Variants in GNG2 observed in about 807,000 individuals in gnomAD.
GNG2 encodes G protein subunit gamma 2, also known as guanine nucleotide-binding protein G(I)/G(S)/G(O) subunit gamma-2.
In GNG2, 5 loss-of-function variants were observed where a neutral mutation model predicts 5.5. The observed-to-expected ratio is 0.91, with a 90% CI of 0.48 to 1.92. The LOEUF (loss-of-function observed/expected upper bound fraction) is 1.92, where lower values mean the gene tolerates loss of function less well. Ranked by LOEUF, GNG2 falls within the 30% of genes most tolerant of loss-of-function variation. GNG2 has a pLI of 0.01. For missense variants in GNG2, 55 were observed against 88.4 expected (o/e 0.62, Z 1.52); for synonymous variants, 28 against 32.0 (o/e 0.88, Z 0.42).
Position 51,938,636 on chromosome 14 carries a change from T to C in GNG2, c.-29-12014T>C, listed in dbSNP as rs539924516. Among the ~76,000 whole-genome samples, 4 of 152,320 alleles carry C rather than the reference T, an allele frequency of 2.6e-5. 1 individual carries two copies. Among genetic ancestry groups the C allele is most frequent in the African/African-American group, 9.6e-5 (4 of 41,576 alleles). The stretch of plus-strand genomic sequence containing the variant: ...CCTGGCACATGTTTTCTCACTATTA[T>C]ACCTAGTGTCATTTGTACCACTAGA... On this transcript the variant is annotated intron_variant, in intron 2 of 3. Transcript: ENST00000556766.
At chr14:51,854,439 A>G (rs1730785991) in intron 2 of GNG2, among the ~76,000 whole-genome samples, 2 of 152,124 alleles carry the variant, frequency 1.3e-5, no homozygotes, top group Non-Finnish European at 2.9e-5. Context: ...TAGCCTGGTC[A>G]AACTCTCTCT....
rs572800922 is a variant in GNG2 at position 51,906,857 on chromosome 14, G to A, written c.-30+29200G>A. ...TACAAGCTCCGCCTCCAGAGTTCAC[G>A]CCATTCTCCTGCCTCAGCCTCCCGA... On this transcript the variant is annotated intron_variant, in intron 2 of 3. Coordinates refer to ENST00000556766, the MANE Select transcript of GNG2 (RefSeq NM_053064.5). Among the ~76,000 whole-genome samples, 189 of 144,246 alleles carry A rather than the reference G, an allele frequency of 1.3e-3. 1 individual carries two copies. Among genetic ancestry groups the A allele is most frequent in the African/African-American group, 4.6e-3 (179 of 39,072 alleles). 94.6% of individuals were successfully genotyped at this position (144,246 alleles called of 152,430 possible).
chr14:51,863,871 G>T (rs2140106715), intron 1 of GNG2, among the ~76,000 whole-genome samples: 1 of 152,252 alleles, frequency 6.6e-6, no homozygotes, highest in East Asian at 1.9e-4. Flanking sequence ...TCCTGTTTAA[G>T]CTGAATAATA....
At chr14:51,853,838 A>T (rs547696941) in intron 2 of GNG2, among the ~76,000 whole-genome samples, 6 of 151,394 alleles carry the variant, frequency 4.0e-5, no homozygotes, top group African/African-American at 1.5e-4. Context: ...CTTTGCTGCT[A>T]ACTCCCTCTT....
At chr14:51,910,456 A>G (rs1247920954) in intron 2 of GNG2, among the ~76,000 whole-genome samples, 1 of 152,240 alleles carries the variant, frequency 6.6e-6, no homozygotes, top group Non-Finnish European at 1.5e-5. Context: ...AAAGGAATTC[A>G]GGATATGGAA....
At chr14:51,915,654 G>A (rs546125887) in intron 2 of GNG2, among the ~76,000 whole-genome samples, 69 of 152,206 alleles carry the variant, frequency 4.5e-4, no homozygotes, top group South Asian at 1.7e-3. Context: ...GCCCTTAAAC[G>A]ATTTCCCCAC....
intron 2 of GNG2, among the ~76,000 whole-genome samples, chr14:51,881,263 C>T (rs1025263741): frequency 6.6e-6 from 1 of 152,146 alleles, no homozygotes; most frequent in Non-Finnish European, 1.5e-5. Flanking sequence ...ACTTTTCCCC[C>T]CTAAGAGACA....
intron 2 of GNG2, among the ~76,000 whole-genome samples, chr14:51,892,929 G>A (rs1363584505): frequency 6.6e-6 from 1 of 152,220 alleles, no homozygotes; most frequent in Non-Finnish European, 1.5e-5. Context: ...AAAAGTTAAT[G>A]TGCAGCTATC....
chr14:51,836,843 T>C (rs987942517), intron 2 of GNG2, among the ~76,000 whole-genome samples: 5 of 148,694 alleles, frequency 3.4e-5, no homozygotes, highest in African/African-American at 1.2e-4. Flanking sequence ...ATTATGATTT[T>C]AAGTGACTTC....
chr14:51,852,926 A>AT (rs1181311813), intron 2 of GNG2, among the ~76,000 whole-genome samples: 10 of 151,822 alleles, frequency 6.6e-5, no homozygotes, highest in African/African-American at 9.7e-5. Context: ...TCAAGAACAG[A>AT]TTTTTTTTTC....
chr14:51,926,534 C>T lies in GNG2; in HGVS notation c.-29-24116C>T, dbSNP rs574193302. 5.9e-5 allele frequency among the ~76,000 whole-genome samples: 9 copies of T among 152,234 alleles called. No individual in the cohort carries two copies. In the South Asian group the frequency reaches 1.9e-3, roughly 32 times the overall value. ...CACGTGGTGAGAAACCCAAAATGACCACTGATACATGCACTTGCCTTCTCA... is the reference window on the plus strand; with the variant it reads ...CACGTGGTGAGAAACCCAAAATGACTACTGATACATGCACTTGCCTTCTCA... On this transcript the variant is annotated intron_variant, in intron 2 of 3. Transcript: ENST00000556766.
intron 3 of GNG2, 101 bp from the exon 4 acceptor site, chr14:51,966,458 A>G: frequency 2.9e-6 from 3 of 1,021,990 alleles, no homozygotes; most frequent in East Asian, 2.4e-5. Flanking sequence ...ATCTTGCTTC[A>G]TGGAGCAAGG....
At chr14:51,865,958 A>G (rs1176467319) in intron 1 of GNG2, among the ~76,000 whole-genome samples, 1 of 152,184 alleles carries the variant, frequency 6.6e-6, no homozygotes, top group Non-Finnish European at 1.5e-5. Flanking sequence ...TGAAAAAAAA[A>G]AAAGGGAGCT....
chr14:51,943,010 T>G (rs765280659), intron 2 of GNG2, among the ~76,000 whole-genome samples: 1 of 152,048 alleles, frequency 6.6e-6, no homozygotes, highest in Non-Finnish European at 1.5e-5. Flanking sequence ...AGGAATCGAT[T>G]TTCCCCAAGA....
chr14:51,951,936 C>G, intron 3 of GNG2: 1 of 700,720 alleles, frequency 1.4e-6, no homozygotes, highest in South Asian at 1.5e-5. Context: ...CTCATCTGTG[C>G]GTTCCCAACA....
intron 2 of GNG2, among the ~76,000 whole-genome samples, chr14:51,906,773 T>TTTTTTTTTTTTTTA (rs1594899112): frequency 5.4e-5 from 8 of 148,494 alleles, no homozygotes; most frequent in African/African-American, 7.4e-5. Flanking sequence ...TTTTTTTTTT[T>TTTTTTTTTTTTTTA]GAGACGGAGT....
At chr14:51,864,262 C>T (rs10135272) in intron 1 of GNG2, among the ~76,000 whole-genome samples, 35,048 of 151,994 alleles carry the variant, frequency 0.23, 4,332 homozygotes, top group East Asian at 0.42. Flanking sequence ...TTCCTAATCA[C>T]TAGTGATGTT....
At chr14:51,906,922 A>G (rs1383422307) in intron 2 of GNG2, among the ~76,000 whole-genome samples, 1 of 151,698 alleles carries the variant, frequency 6.6e-6, no homozygotes, top group Non-Finnish European at 1.5e-5. Context: ...CACCCGGCTA[A>G]TTTTTTGTAT....
Position 51,882,139 on chromosome 14 carries a change from G to T in GNG2, c.-30+4482G>T, listed in dbSNP as rs976058997. ...TAAGGATCAAAATAACTACTTATCT[G>T]GGTACAGGGTTTCCTTCCGGGGTGA... is the stretch of plus-strand genomic sequence containing the variant. On this transcript the variant is annotated intron_variant, in intron 2 of 3. Coordinates refer to ENST00000556766, the MANE Select transcript of GNG2 (RefSeq NM_053064.5). Among the ~76,000 whole-genome samples, 7 of 152,126 alleles carry T rather than the reference G, an allele frequency of 4.6e-5. No homozygotes were observed. In the East Asian group the frequency reaches 9.6e-4, roughly 21 times the overall value.
Sources: gnomAD v4.1 joint callset for allele counts (sites outside exome capture counted in the v4.1 genomes callset) on GRCh38, gnomAD v4.1.1 for gene constraint, MANE v1.5 for transcripts, NCBI Gene and HGNC (gene_info 2026-07-23, HGNC 2026-07-21) for gene names.